Variants in MCU observed in about 807,000 individuals in gnomAD.
MCU encodes the protein calcium uniporter protein, mitochondrial.
MCU carries 12 observed loss-of-function variants against 45.2 expected under a neutral mutation model. The observed-to-expected ratio is 0.27, with a 90% confidence interval of 0.17 to 0.43. The LOEUF (loss-of-function observed/expected upper bound fraction) is 0.43, where lower values mean the gene tolerates loss of function less well. Ranked by LOEUF, MCU falls within the 20% of genes least tolerant of loss-of-function variation. The pLI is 1.00. For synonymous variants in MCU, 160 were observed against 165.1 expected, an observed-to-expected ratio of 0.97 and a Z score of 0.24; for missense variants, 324 against 436.7, an observed-to-expected ratio of 0.74 and a Z score of 2.30.
intron 1 of MCU, among the ~76,000 whole-genome samples, chr10:72,813,793 G>A (rs1328519648): frequency 8.5e-6 from 1 of 117,810 alleles, no homozygotes; most frequent in Non-Finnish European, 1.9e-5. Context: ...ACTATGGATA[G>A]CATATTTTTG....
At chr10:72,759,175 CTGTCTCG>C (rs1318026788) in intron 1 of MCU, among the ~76,000 whole-genome samples, 1 of 152,174 alleles carries the variant, frequency 6.6e-6, no homozygotes, top group Non-Finnish European at 1.5e-5. Context: ...GGCAAGACTC[CTGTCTCG>C]AGAGCCTAGC....
At chr10:72,727,393 A>G (rs569766240) in intron 1 of MCU, among the ~76,000 whole-genome samples, 6 of 152,322 alleles carry the variant, frequency 3.9e-5, no homozygotes, top group African/African-American at 9.6e-5. Flanking sequence ...ATCGAGCCCA[A>G]CATACTTTTC....
chr10:72,850,799 A>G (rs1311922848), intron 2 of MCU, among the ~76,000 whole-genome samples: 1 of 152,218 alleles, frequency 6.6e-6, no homozygotes, highest in Non-Finnish European at 1.5e-5. Flanking sequence ...CTGCTCTGGA[A>G]CATACTTATA....
Position 72,834,441 on chromosome 10 carries a change from A to C in MCU, c.220+13A>C. On this transcript the variant is annotated intron_variant, in intron 2 of 7. Coordinates refer to ENST00000373053, the MANE Select transcript of MCU (RefSeq NM_138357.3). The stretch of plus-strand genomic sequence containing the variant: ...GTGCCCTCTGATGGTGAGTTTCAGC[A>C]AATCCACCTTTTATGTCTAATATTA... The C allele has an allele frequency of 1.9e-6, 3 of 1,607,928 alleles. No individual in the cohort carries two copies. Among genetic ancestry groups the C allele is most frequent in the Non-Finnish European group, 2.6e-6 (3 of 1,175,288 alleles).
At chr10:72,830,422 A>G (rs1356378817) in intron 1 of MCU, among the ~76,000 whole-genome samples, 2 of 152,174 alleles carry the variant, frequency 1.3e-5, no homozygotes, top group Non-Finnish European at 2.9e-5. Context: ...GTGTATGTAT[A>G]TTGAAGTGAT....
At chr10:72,694,694 A>G (rs1842665063) in intron 1 of MCU, among the ~76,000 whole-genome samples, 1 of 152,224 alleles carries the variant, frequency 6.6e-6, no homozygotes, top group Non-Finnish European at 1.5e-5. Context: ...CTGCATTGGA[A>G]TGGATCACAA....
chr10:72,852,228 A>G (rs2132858486), intron 2 of MCU, among the ~76,000 whole-genome samples: 1 of 152,360 alleles, frequency 6.6e-6, no homozygotes. Context: ...TTAATTGTTA[A>G]GGATTCTTTT....
chr10:72,697,948 A>ATTT (rs35739882), intron 1 of MCU, among the ~76,000 whole-genome samples: 3 of 145,674 alleles, frequency 2.1e-5, no homozygotes, highest in Admixed American at 2.1e-4. Context: ...CATAAAAAGA[A>ATTT]TTTTTTTTTT....
At chr10:72,782,831 G>A (rs922370364) in intron 1 of MCU, among the ~76,000 whole-genome samples, 1 of 152,192 alleles carries the variant, frequency 6.6e-6, no homozygotes, top group Non-Finnish European at 1.5e-5. Flanking sequence ...AAAGCCAGTA[G>A]CTTCAGAAGT....
chr10:72,745,388 C>T (rs924906974), intron 1 of MCU, among the ~76,000 whole-genome samples: 5 of 152,210 alleles, frequency 3.3e-5, no homozygotes, highest in East Asian at 1.9e-4. Context: ...ACTACCACAC[C>T]GGCTGGTTTT....
intron 1 of MCU, among the ~76,000 whole-genome samples, chr10:72,794,028 T>A (rs1031483199): frequency 2.0e-5 from 3 of 152,150 alleles, no homozygotes; most frequent in Non-Finnish European, 2.9e-5. Context: ...CAATTTACAT[T>A]CTATTACAGT....
chr10:72,844,312 G>A (rs533561102), intron 2 of MCU, among the ~76,000 whole-genome samples: 12 of 152,200 alleles, frequency 7.9e-5, no homozygotes, highest in Admixed American at 5.2e-4. Context: ...GCTTGAACCC[G>A]GGAGGCAGAG....
intron 1 of MCU, among the ~76,000 whole-genome samples, chr10:72,746,800 G>A (rs982471217): frequency 4.6e-5 from 7 of 152,154 alleles, no homozygotes; most frequent in South Asian, 2.1e-4. Flanking sequence ...AATCCCTGCC[G>A]ACTCTGAGAT....
intron 1 of MCU, among the ~76,000 whole-genome samples, chr10:72,813,435 A>C (rs1844574297): frequency 6.7e-6 from 1 of 150,374 alleles, no homozygotes; most frequent in Non-Finnish European, 1.5e-5. Context: ...CTGTTAATTT[A>C]AATACCAGCT....
intron 1 of MCU, among the ~76,000 whole-genome samples, chr10:72,707,606 G>GGTGTGTGTGTGTGTGTGT (rs373225323): frequency 3.0e-5 from 4 of 135,032 alleles, no homozygotes; most frequent in East Asian, 4.4e-4. Context: ...CGTGGTGAGT[G>GGTGTGTGTGTGTGTGTGT]GTGTGTGTGT....
chr10:72,740,726 A>G (rs968332167), intron 1 of MCU, among the ~76,000 whole-genome samples: 4 of 152,264 alleles, frequency 2.6e-5, no homozygotes, highest in African/African-American at 9.6e-5. Flanking sequence ...AGCAGGTGCT[A>G]TGAGTCATTT....
At chr10:72,709,029 A>G (rs1267603728) in intron 1 of MCU, among the ~76,000 whole-genome samples, 1 of 152,008 alleles carries the variant, frequency 6.6e-6, no homozygotes, top group Non-Finnish European at 1.5e-5. Flanking sequence ...AAAATTTAAG[A>G]AATTGATACA....
intron 1 of MCU, among the ~76,000 whole-genome samples, chr10:72,810,641 G>GTTGTTC (rs1355204099): frequency 1.3e-5 from 2 of 149,444 alleles, no homozygotes; most frequent in Non-Finnish European, 3.0e-5. Flanking sequence ...CTAGGTTGTT[G>GTTGTTC]TTGTTGTTGT....
chr10:72,832,570 CAG>C (rs1844893731), intron 1 of MCU, among the ~76,000 whole-genome samples: 1 of 152,134 alleles, frequency 6.6e-6, no homozygotes, highest in Admixed American at 6.6e-5. Context: ...GAAATACAAA[CAG>C]AGACTTAAAT....
Sources: gnomAD v4.1 joint callset for allele counts (sites outside exome capture counted in the v4.1 genomes callset) on GRCh38, gnomAD v4.1.1 for gene constraint, MANE v1.5 for transcripts, NCBI Gene and HGNC (gene_info 2026-07-23, HGNC 2026-07-21) for gene names.